VPS13D: variants seen among roughly 807,000 people sequenced by gnomAD.
VPS13D encodes intermembrane lipid transfer protein VPS13D.
VPS13D carries 187 observed loss-of-function variants against 461.9 expected under a neutral mutation model. That is an observed-to-expected ratio of 0.40 (90% CI 0.36 to 0.46). VPS13D has a LOEUF of 0.46. VPS13D is among the 20% of genes least tolerant of loss of function. The pLI is 0.60. For synonymous variants in VPS13D, 1,951 were observed against 1,986.3 expected (o/e 0.98, Z 0.47); for missense variants, 4,711 against 5,364.9 (o/e 0.88, Z 3.81).
At chr1:12,267,649 A>G (rs936804816) in intron 14 of VPS13D, among the ~76,000 whole-genome samples, 196 bp from the exon 15 acceptor site, 1 of 152,196 alleles carries the variant, frequency 6.6e-6, no homozygotes, top group African/African-American at 2.4e-5. Context: ...GTCAGTACAA[A>G]GGAAAAGATG....
chr1:12,347,415 C>T (rs1364038523), intron 44 of VPS13D, among the ~76,000 whole-genome samples: 1 of 152,170 alleles, frequency 6.6e-6, no homozygotes, highest in South Asian at 2.1e-4. Context: ...CGTGATCTGC[C>T]TGCCTCGGCC....
At position 12,489,460 on chromosome 1, in the gene VPS13D, C is replaced by A. The variant is rs150696968; in HGVS notation, c.12663-8040C>A. 7.5e-3 allele frequency among the ~76,000 whole-genome samples: 1,136 copies of A among 152,320 alleles called. 5 individuals carry two copies. Among genetic ancestry groups the A allele is most frequent in the Non-Finnish European group, 0.013 (851 of 68,022 alleles). ...ATTTCTTGAATCAACATCTTTCTTACATTTTCAATGGCAATAGTACAACAT... is the reference window on the plus strand; with the variant it reads ...ATTTCTTGAATCAACATCTTTCTTAAATTTTCAATGGCAATAGTACAACAT... On this transcript the variant is annotated intron_variant, in intron 67 of 69. Coordinates refer to ENST00000620676, the MANE Select transcript of VPS13D (RefSeq NM_015378.4).
chr1:12,278,836 A>T (rs1045040422), intron 19 of VPS13D, among the ~76,000 whole-genome samples: 1 of 152,224 alleles, frequency 6.6e-6, no homozygotes, highest in Admixed American at 6.5e-5. Flanking sequence ...AGGTTCTAAG[A>T]ATAAAAGCTT....
At chr1:12,338,204 T>G in intron 39 of VPS13D, 27 bp from the exon 40 acceptor site, 1 of 1,590,004 alleles carries the variant, frequency 6.3e-7, no homozygotes, top group South Asian at 1.1e-5. Context: ...ATTCTTAGCC[T>G]CTAACTTTGT....
intron 52 of VPS13D, among the ~76,000 whole-genome samples, chr1:12,365,120 A>G (rs1644015977): frequency 6.6e-6 from 1 of 152,150 alleles, no homozygotes; most frequent in Non-Finnish European, 1.5e-5. Flanking sequence ...ATTGGTCTAT[A>G]TGTCTTTATG....
chr1:12,308,492 T>G lies in VPS13D; in HGVS notation c.6501T>G (p.Ala2167=). 1 of 1,614,172 alleles carries G rather than the reference T, an allele frequency of 6.2e-7. No homozygotes were observed. The highest frequency in any genetic ancestry group is 2.2e-5 in the East Asian group (1 of 44,884). The part of the protein sequence containing the change: ...VVDLQDMDIF[A]AERHPREYSK... ...ATCTCCAGGACATGGACATCTTTGC[T>G]GCAGAGAGACATCCGAGAGAATACT... The change falls in exon 27 of 70, where the codon GCT becomes GCG. Residue 2167 remains alanine, a synonymous_variant. Coordinates refer to ENST00000620676, the MANE Select transcript of VPS13D (RefSeq NM_015378.4).
At chr1:12,264,184 G>A (rs1557672404) in intron 13 of VPS13D, among the ~76,000 whole-genome samples, 1 of 152,144 alleles carries the variant, frequency 6.6e-6, no homozygotes, top group African/African-American at 2.4e-5. Context: ...CTGCTCCACC[G>A]ACTGGCCATT....
chr1:12,396,399 C>T (rs1644499598), intron 60 of VPS13D, among the ~76,000 whole-genome samples: 1 of 152,124 alleles, frequency 6.6e-6, no homozygotes, highest in South Asian at 2.1e-4. Context: ...TTTCGGAGTT[C>T]TGAAAAAGTC....
In VPS13D at chr1:12,333,278, G is replaced by A. The variant is rs28465686; in HGVS notation, c.8340G>A (p.Gln2780=). 11,585 of 1,614,044 alleles carry A rather than the reference G, an allele frequency of 7.2e-3. 693 individuals are homozygous for A. In the African/African-American group the frequency reaches 0.13, roughly 18 times the overall value. Residue 2780 remains glutamine (Q), a synonymous_variant, in exon 38 of 70, where the codon CAG becomes CAA. Coordinates refer to ENST00000620676, the MANE Select transcript of VPS13D (RefSeq NM_015378.4). ...PWPCSVSWQQ[Q]AASRLHPPRL... ...CATGCTCTGTATCCTGGCAACAGCAGGCAGCTAGTCGTCTCCATCCTCCTC... is the reference window on the plus strand; with the variant it reads ...CATGCTCTGTATCCTGGCAACAGCAAGCAGCTAGTCGTCTCCATCCTCCTC...
intron 5 of VPS13D, among the ~76,000 whole-genome samples, chr1:12,246,655 CAG>C (rs1640560708): frequency 6.6e-6 from 1 of 152,160 alleles, no homozygotes; most frequent in African/African-American, 2.4e-5. Context: ...AAAGGAAGGT[CAG>C]GGGCCTGTGT....
At chr1:12,321,666 C>A in intron 32 of VPS13D, 143 bp from the exon 33 acceptor site, 1 of 894,934 alleles carries the variant, frequency 1.1e-6, no homozygotes, top group East Asian at 2.9e-5. Context: ...GGGCTTCACT[C>A]TTCACAGTAT....
intron 65 of VPS13D, among the ~76,000 whole-genome samples, chr1:12,438,131 C>G (rs895801640): frequency 3.9e-5 from 6 of 152,294 alleles, no homozygotes; most frequent in Admixed American, 6.5e-5. Context: ...TAAACTGAGT[C>G]TCTGTTATAG....
chr1:12,478,223 C>T (rs762861374), intron 67 of VPS13D, among the ~76,000 whole-genome samples: 12 of 152,246 alleles, frequency 7.9e-5, no homozygotes, highest in Non-Finnish European at 1.6e-4. Context: ...TGTAGTCCTC[C>T]GAAGCACGGC....
At chr1:12,344,265 T>G (rs928114514) in intron 42 of VPS13D, among the ~76,000 whole-genome samples, 2 of 152,246 alleles carry the variant, frequency 1.3e-5, no homozygotes, top group Non-Finnish European at 2.9e-5. Context: ...CTTTCTGTAA[T>G]CATGTGCTTT....
At position 12,433,628 on chromosome 1, in the gene VPS13D, C is replaced by T. The variant is rs564273577; in HGVS notation, c.12333+16801C>T. Among the ~76,000 whole-genome samples the T allele has an allele frequency of 5.3e-5, 8 of 152,190 alleles. No homozygotes were observed. The East Asian group carries it at 5.8e-4, about 11-fold the overall frequency. On this transcript the variant is annotated intron_variant, in intron 65 of 69. Coordinates refer to ENST00000620676, the MANE Select transcript of VPS13D (RefSeq NM_015378.4). ...TGCCTTCTGTGTCTGTGAAAACAGT[C>T]GGCAGCTCCTGCGGGGATCATTCAT...
At chr1:12,235,804 A>G (rs966432659) in intron 2 of VPS13D, among the ~76,000 whole-genome samples, 1 of 152,146 alleles carries the variant, frequency 6.6e-6, no homozygotes, top group Admixed American at 6.5e-5. Context: ...TAGTAGTGTC[A>G]AGTTCACCTC....
Position 12,242,385 on chromosome 1 carries a change from T to C in VPS13D, c.98-128T>C. On this transcript the variant is annotated intron_variant, in intron 2 of 69. Coordinates refer to ENST00000620676, the MANE Select transcript of VPS13D (RefSeq NM_015378.4). ...CCCGTTCTAGATGTAAAACTTTCCT[T>C]TAACCTTCACATGACGTAGCCTATT... 5.1e-6 allele frequency: 4 copies of C among 789,974 alleles called. No homozygotes were observed. In the South Asian group the frequency reaches 5.4e-5, roughly 11 times the overall value. 48.9% of individuals were successfully genotyped at this position (789,974 alleles called of 1,614,324 possible).
intron 13 of VPS13D, among the ~76,000 whole-genome samples, chr1:12,266,371 G>T (rs1329339328): frequency 6.6e-6 from 1 of 152,130 alleles, no homozygotes; most frequent in South Asian, 2.1e-4. Context: ...AGCAAACTTC[G>T]TTGTTGTCTT....
Position 12,345,384 on chromosome 1 carries a change from G to A in VPS13D, c.8896G>A (p.Asp2966Asn), listed in dbSNP as rs757178377. 5.6e-6 allele frequency: 9 copies of A among 1,611,560 alleles called. No homozygotes were observed. The highest frequency in any genetic ancestry group is 7.6e-6 in the Non-Finnish European group (9 of 1,177,942). The change falls in exon 43 of 70, where the codon GAC (aspartate) becomes AAC (asparagine). Residue 2966 changes from aspartate to asparagine, a missense_variant. This residue lies in a region of VPS13D where 4,411 missense variants were observed against 4,937.8 expected (regional missense o/e 0.89). Coordinates refer to ENST00000620676, the MANE Select transcript of VPS13D (RefSeq NM_015378.4). Reference protein sequence around the residue: ...RGKLRHRHTHDLRIHQLQVRV... With the variant: ...RGKLRHRHTHNLRIHQLQVRV... ...TGTTCTGCCTGACAGACACACCCAT[G>A]ACCTCCGGATTCATCAACTGCAAGT...
Sources: gnomAD v4.1 joint callset for allele counts (sites outside exome capture counted in the v4.1 genomes callset) on GRCh38, gnomAD v4.1.1 for gene constraint, gnomAD v4.1.1 regional missense constraint, MANE v1.5 for transcripts, NCBI Gene and HGNC (gene_info 2026-07-23, HGNC 2026-07-21) for gene names.